The following DNAAF11 variants were observed in gnomAD, a reference collection of about 807,000 sequenced individuals.
The protein encoded by DNAAF11 is leucine rich repeat containing 6.
DNAAF11 carries 45 observed loss-of-function variants against 60.8 expected under a neutral mutation model. That is an observed-to-expected ratio of 0.74 (90% CI 0.58 to 0.95). DNAAF11 has a LOEUF of 0.95. Ranked by LOEUF, DNAAF11 falls within the 40% of genes least tolerant of loss-of-function variation. The probability of loss-of-function intolerance (pLI) is 0.00; values close to 1 mark genes in which losing one functional copy is unlikely to be tolerated. For synonymous variants in DNAAF11, 191 were observed against 183.5 expected (o/e 1.04, Z -0.33); for missense variants, 546 against 546.2 (o/e 1.00, Z 0.00).
chr8:132,620,171 C>T (rs1214681530), intron 7 of DNAAF11, among the ~76,000 whole-genome samples: 1 of 151,888 alleles, frequency 6.6e-6, no homozygotes, highest in East Asian at 1.9e-4. Flanking sequence ...TAAGGTAAGA[C>T]CAGCAAGTAG....
chr8:132,592,091 A>T (rs902430333), intron 10 of DNAAF11, among the ~76,000 whole-genome samples: 1 of 152,218 alleles, frequency 6.6e-6, no homozygotes, highest in African/African-American at 2.4e-5. Context: ...ATTATAAAAT[A>T]TGCATTTATG....
upstream of DNAAF11, among the ~76,000 whole-genome samples, chr8:132,677,860 G>C (rs907947380): frequency 6.6e-6 from 1 of 152,152 alleles, no homozygotes; most frequent in Non-Finnish European, 1.5e-5. Flanking sequence ...CATGACAGAA[G>C]GGATAGAAAA....
chr8:132,655,838 A>G (rs1823504785), intron 3 of DNAAF11, among the ~76,000 whole-genome samples: 1 of 152,224 alleles, frequency 6.6e-6, no homozygotes, highest in African/African-American at 2.4e-5. Context: ...TCCTATCTTA[A>G]AAAATATTGT....
At chr8:132,641,555 A>C (rs1389121160) in intron 3 of DNAAF11, among the ~76,000 whole-genome samples, 1 of 152,176 alleles carries the variant, frequency 6.6e-6, no homozygotes, top group East Asian at 1.9e-4. Context: ...GGGAAGGAGA[A>C]AAGAAAGAAT....
At chr8:132,592,275 G>C (rs1483896380) in intron 10 of DNAAF11, among the ~76,000 whole-genome samples, 1 of 152,164 alleles carries the variant, frequency 6.6e-6, no homozygotes, top group Non-Finnish European at 1.5e-5. Context: ...CTTGCTGTAG[G>C]AGCATTGTGG....
intron 1 of DNAAF11, among the ~76,000 whole-genome samples, chr8:132,663,264 G>C (rs1824307017): frequency 6.6e-6 from 1 of 152,090 alleles, no homozygotes; most frequent in African/African-American, 2.4e-5. Flanking sequence ...GCTTAAATAG[G>C]GTGCTATAAT....
At chr8:132,572,685 TAA>T (rs34229467) in intron 11 of DNAAF11, among the ~76,000 whole-genome samples, 5 of 132,840 alleles carry the variant, frequency 3.8e-5, no homozygotes, top group Admixed American at 7.6e-5. Context: ...AGAAAAGTTC[TAA>T]AAAAAAAAAA....
chr8:132,639,868 AT>A (rs1481233296), intron 3 of DNAAF11, among the ~76,000 whole-genome samples: 1 of 152,142 alleles, frequency 6.6e-6, no homozygotes, highest in Non-Finnish European at 1.5e-5. Context: ...AAAAAAAAAA[AT>A]CATGGTCCCT....
intron 10 of DNAAF11, among the ~76,000 whole-genome samples, chr8:132,598,145 A>G (rs1472390139): frequency 1.3e-5 from 2 of 152,216 alleles, no homozygotes; most frequent in African/African-American, 2.4e-5. Context: ...TGTTCAAAGT[A>G]TTCAACACTG....
At chr8:132,618,547 A>G (rs1819420429) in intron 7 of DNAAF11, among the ~76,000 whole-genome samples, 1 of 118,608 alleles carries the variant, frequency 8.4e-6, no homozygotes, top group Non-Finnish European at 1.7e-5. Context: ...CAACCTACTC[A>G]TCTGACAAAG....
intron 10 of DNAAF11, among the ~76,000 whole-genome samples, chr8:132,586,864 T>C (rs1815959986): frequency 6.6e-6 from 1 of 152,296 alleles, no homozygotes. Context: ...CCCAGGGCAC[T>C]TCTTAATACA....
At position 132,578,472 on chromosome 8, in the gene DNAAF11, C is replaced by T. The variant is rs13281184; in HGVS notation, c.1226+5222G>A. The T allele has an allele frequency of 0.1, 156,334 of 1,533,558 alleles. 10,600 individuals carry two copies. Among genetic ancestry groups the T allele is most frequent in the African/African-American group, 0.34 (24,615 of 72,820 alleles). The allele number at this position is 1,533,558 out of a possible 1,614,324, so 95.0% of individuals were successfully genotyped here. The stretch of plus-strand genomic sequence containing the variant: ...GGACGCCCATCACTGGTCTTACCCA[C>T]GACCTGACTGTCAGAAACATCACCT... On this transcript the variant is annotated intron_variant, in intron 11 of 11. Coordinates refer to ENST00000620350, the MANE Select transcript of DNAAF11 (RefSeq NM_012472.6).
At chr8:132,661,697 C>A in intron 1 of DNAAF11, 70 bp from the exon 2 acceptor site, 1 of 1,502,916 alleles carries the variant, frequency 6.7e-7, no homozygotes, top group Non-Finnish European at 9.2e-7. Flanking sequence ...GTGTTGTTAA[C>A]GCATTTGTGT....
intron 4 of DNAAF11, among the ~76,000 whole-genome samples, chr8:132,635,705 C>CA (rs1006337929): frequency 6.6e-6 from 1 of 152,006 alleles, no homozygotes; most frequent in African/African-American, 2.4e-5. Context: ...TGTCCCCTGA[C>CA]AAAAAAAGAT....
Position 132,572,276 on chromosome 8 carries a change from T to C in DNAAF11, c.*30A>G, listed in dbSNP as rs1563951326. On this transcript the variant is annotated 3_prime_UTR_variant, in exon 12 of 12. Transcript: ENST00000620350. The stretch of plus-strand genomic sequence containing the variant: ...ACCAACCAAAACTGGACCTGGTGGG[T>C]CTCAGCCAATGGCAACGCAGCCAGA... The C allele has an allele frequency of 6.2e-7, 1 of 1,601,992 alleles. No individual in the cohort carries two copies. Among genetic ancestry groups the C allele is most frequent in the Admixed American group, 1.7e-5 (1 of 58,750 alleles).
At chr8:132,653,469 G>A (rs950706161) in intron 3 of DNAAF11, among the ~76,000 whole-genome samples, 7 of 151,894 alleles carry the variant, frequency 4.6e-5, no homozygotes, top group African/African-American at 1.7e-4. Context: ...ATTACTAAAG[G>A]TAACTATATA....
chr8:132,605,102 A>C (rs1253785220), intron 10 of DNAAF11, among the ~76,000 whole-genome samples: 1 of 152,156 alleles, frequency 6.6e-6, no homozygotes, highest in Non-Finnish European at 1.5e-5. Context: ...TGTCCTAGGT[A>C]CTTTATTTAT....
chr8:132,690,114 T>A, the DNAAF11 span, among the ~76,000 whole-genome samples: 1 of 152,222 alleles, frequency 6.6e-6, no homozygotes. Context: ...TTGAGATTTT[T>A]AGAAAAATTG....
intron 3 of DNAAF11, among the ~76,000 whole-genome samples, chr8:132,639,322 A>T (rs1301895239): frequency 1.3e-5 from 2 of 152,214 alleles, no homozygotes; most frequent in Admixed American, 6.5e-5. Context: ...TTAACATGGC[A>T]GATTTTGCAA....
Sources: allele counts gnomAD v4.1 joint callset (sites outside exome capture counted in the v4.1 genomes callset), GRCh38; gene constraint gnomAD v4.1.1; transcripts MANE v1.5; gene names NCBI Gene and HGNC (gene_info 2026-07-23, HGNC 2026-07-21).